Variants in SUPT16H observed in about 807,000 individuals in gnomAD.
SUPT16H encodes the protein SPT16 homolog, facilitates chromatin remodeling subunit.
A neutral mutation model predicts 136.2 loss-of-function variants in SUPT16H; 24 were observed. The ratio of observed to expected loss-of-function variants is 0.18; its 90% confidence interval spans 0.13 to 0.25. The LOEUF (loss-of-function observed/expected upper bound fraction) is 0.25, where lower values mean the gene tolerates loss of function less well. Among genes scored for constraint, SUPT16H ranks in the 10% least tolerant of loss-of-function variants. The pLI, the probability that SUPT16H is intolerant of heterozygous loss-of-function variation, is 1.00. For missense variants in SUPT16H, 623 were observed against 1,270.2 expected, an observed-to-expected ratio of 0.49 and a Z score of 7.74; for synonymous variants, 415 against 428.2, an observed-to-expected ratio of 0.97 and a Z score of 0.38.
At position 21,360,831 on chromosome 14, in the gene SUPT16H, A is replaced by T. The variant is rs775665854; in HGVS notation, c.2056+15T>A. 3.1e-6 allele frequency: 5 copies of T among 1,611,660 alleles called. No homozygotes were observed. The South Asian group carries it at 4.4e-5, about 14-fold the overall frequency. On this transcript the variant is annotated intron_variant, in intron 17 of 25. Coordinates refer to ENST00000216297, the MANE Select transcript of SUPT16H (RefSeq NM_007192.4). ...CCTGAAGAGAAAGCCTAGGTACAGG[A>T]GAGATCATCCATACCATTGACATGG... is the stretch of plus-strand genomic sequence containing the variant.
intron 1 of SUPT16H, 137 bp downstream of exon 1, chr14:21,383,725 G>A (rs1266311430): frequency 2.1e-6 from 2 of 969,062 alleles, no homozygotes; most frequent in Non-Finnish European, 1.6e-6. Flanking sequence ...TCCGGTGAAT[G>A]ATTCGGGAGC....
In SUPT16H at chr14:21,368,254, T is replaced by C. The variant is rs773850548; in HGVS notation, c.955+15A>G. 10 of 1,601,430 alleles carry C rather than the reference T, an allele frequency of 6.2e-6. No individual in the cohort carries two copies. The South Asian group carries it at 1.1e-4, about 18-fold the overall frequency. On this transcript the variant is annotated intron_variant, in intron 7 of 25. Coordinates refer to ENST00000216297, the MANE Select transcript of SUPT16H (RefSeq NM_007192.4). ...GTTACACAACTTTCAAACCTCCTTT[T>C]CTAAGGCACCTCACCATGTCTTAAT...
chr14:21,366,655 A>AATTTT, intron 7 of SUPT16H, 126 bp from the exon 8 acceptor site: 3 of 359,426 alleles, frequency 8.3e-6, no homozygotes, highest in Non-Finnish European at 8.8e-6. Flanking sequence ...CAGTCCACTC[A>AATTTT]CTTTTTTTTT....
intron 22 of SUPT16H, chr14:21,354,762 T>C (rs186181861): frequency 7.3e-5 from 27 of 372,200 alleles, no homozygotes; most frequent in Non-Finnish European, 1.2e-4. Flanking sequence ...TGGCTAATTT[T>C]TATATTTTTA....
intron 2 of SUPT16H, chr14:21,372,532 G>A (rs1349138746): frequency 9.0e-6 from 3 of 334,234 alleles, no homozygotes; most frequent in Non-Finnish European, 1.7e-5. Context: ...AAATGGTAGT[G>A]TGTGGAGCTT....
intron 2 of SUPT16H, chr14:21,372,274 T>C (rs997558828): frequency 1.9e-5 from 9 of 475,722 alleles, no homozygotes; most frequent in Non-Finnish European, 3.0e-5. Flanking sequence ...TACGTTTATA[T>C]GCTTGAACTT....
At chr14:21,367,966 C>T (rs367664346) in intron 7 of SUPT16H, among the ~76,000 whole-genome samples, 3 of 152,344 alleles carry the variant, frequency 2.0e-5, no homozygotes, top group East Asian at 1.9e-4. Context: ...TCATAGCTCA[C>T]TGCCGAGGTA....
Position 21,365,436 on chromosome 14 carries a change from G to A in SUPT16H, c.1047-293C>T, listed in dbSNP as rs113649090. On this transcript the variant is annotated intron_variant, in intron 8 of 25. Transcript: ENST00000216297. ...CTTCTACCATAAAATCAAGTCAGTA[G>A]TACTCCTAGAAACAACATAGAGATT... Among the ~76,000 whole-genome samples, 1,444 of 152,120 alleles carry A rather than the reference G, an allele frequency of 9.5e-3. 21 individuals are homozygous for A. Among genetic ancestry groups the A allele is most frequent in the African/African-American group, 0.031 (1,284 of 41,486 alleles).
intron 1 of SUPT16H, among the ~76,000 whole-genome samples, chr14:21,380,863 A>G (rs763001399): frequency 1.3e-4 from 20 of 151,846 alleles, no homozygotes; most frequent in Non-Finnish European, 2.6e-4. Flanking sequence ...GTTTCTCCCA[A>G]TGACCAGCAC....
chr14:21,362,147 T>C, intron 15 of SUPT16H, 50 bp downstream of exon 15: 1 of 1,572,408 alleles, frequency 6.4e-7, no homozygotes, highest in Non-Finnish European at 8.6e-7. Context: ...TTTCTGAGAG[T>C]ACCACTCCAG....
intron 15 of SUPT16H, 24 bp from the exon 16 acceptor site, chr14:21,361,237 T>C (rs374094706): frequency 1.9e-6 from 3 of 1,612,894 alleles, no homozygotes; most frequent in East Asian, 2.2e-5. Flanking sequence ...ACAGCATTTA[T>C]AGACATTTCT....
chr14:21,353,638 A>G, intron 24 of SUPT16H, 65 bp downstream of exon 24: 1 of 1,603,430 alleles, frequency 6.2e-7, no homozygotes, highest in East Asian at 2.2e-5. Flanking sequence ...TAGTCTAAAA[A>G]AAGTAGTTTT....
chr14:21,353,708 T>C lies in SUPT16H; in HGVS notation c.2915A>G (p.Glu972Gly), dbSNP rs937342683. 3 of 1,613,106 alleles carry C rather than the reference T, an allele frequency of 1.9e-6. No homozygotes were observed. Among genetic ancestry groups the C allele is most frequent in the Non-Finnish European group, 2.5e-6 (3 of 1,179,616 alleles). Residue 972 changes from glutamate to glycine, a missense_variant, in exon 24 of 26, where the codon GAG becomes GGG. By Grantham distance (98) the Glu-to-Gly change is moderately conservative (BLOSUM62 -2). Coordinates refer to ENST00000216297, the MANE Select transcript of SUPT16H (RefSeq NM_007192.4). ...SDEDYSSEAEESDYSKESLGS... is the reference protein window; with the variant it reads ...SDEDYSSEAEGSDYSKESLGS... ...CTTTGCTCTGTAAGACTAACCTGAC[T>C]CTTCTGCTTCTGATGAATAATCTTC...
intron 1 of SUPT16H, among the ~76,000 whole-genome samples, chr14:21,378,061 C>G (rs1886942142): frequency 6.6e-6 from 1 of 151,474 alleles, no homozygotes; most frequent in East Asian, 1.9e-4. Flanking sequence ...ACAGATGGAG[C>G]AGGATAATGT....
intron 19 of SUPT16H, 152 bp downstream of exon 19, chr14:21,359,332 G>A: frequency 9.8e-7 from 1 of 1,022,984 alleles, no homozygotes; most frequent in Non-Finnish European, 1.4e-6. Flanking sequence ...TGACCCTCAG[G>A]TGATCTGCCC....
At chr14:21,379,913 A>C (rs1886985828) in intron 1 of SUPT16H, among the ~76,000 whole-genome samples, 1 of 141,508 alleles carries the variant, frequency 7.1e-6, no homozygotes, top group South Asian at 2.3e-4. Context: ...AACAAACAAA[A>C]AAACCTTTCT....
chr14:21,363,528 C>T (rs755632844), intron 10 of SUPT16H, 25 bp from the exon 11 acceptor site: 19 of 1,605,086 alleles, frequency 1.2e-5, no homozygotes, highest in Non-Finnish European at 1.5e-5. Context: ...AGAATGAAGA[C>T]ACATTATTTA....
intron 6 of SUPT16H, 101 bp from the exon 7 acceptor site, chr14:21,368,542 T>C (rs1886720523): frequency 4.6e-6 from 6 of 1,309,736 alleles, no homozygotes; most frequent in Non-Finnish European, 4.1e-6. Flanking sequence ...TTCCCTGCCA[T>C]ATCCCAAAGC....
Position 21,353,775 on chromosome 14 carries a change from G to A in SUPT16H, c.2848C>T (p.Pro950Ser). ...ESEIEDETFN[P>S]SEDDYEEEEE... ...TCCTCTTCATAGTCATCTTCTGAAG[G>A]ATTAAAAGTCTCATCTTCAATTTCA... The change falls in exon 24 of 26, where the codon CCT becomes TCT. Residue 950 changes from proline (P) to serine (S), a missense_variant. Around this residue, in one of 7 missense-constraint regions of SUPT16H, gnomAD observed 88 missense variants for 135.5 expected, o/e 0.65. Coordinates refer to ENST00000216297, the MANE Select transcript of SUPT16H (RefSeq NM_007192.4). 1 of 1,613,946 alleles carries A rather than the reference G, an allele frequency of 6.2e-7. No homozygotes were observed. The highest frequency in any genetic ancestry group is 8.5e-7 in the Non-Finnish European group (1 of 1,179,934).
Sources: allele counts gnomAD v4.1 joint callset (sites outside exome capture counted in the v4.1 genomes callset), GRCh38; gene constraint gnomAD v4.1.1; regional missense constraint gnomAD v4.1.1; transcripts MANE v1.5; gene names NCBI Gene and HGNC (gene_info 2026-07-23, HGNC 2026-07-21).